Variants in CCDC171 observed in about 807,000 individuals in gnomAD.
The protein encoded by CCDC171 is coiled-coil domain containing 171.
In CCDC171, 177 loss-of-function variants were observed where a neutral mutation model predicts 168.2. The observed-to-expected ratio is 1.05, with a 90% CI of 0.93 to 1.19. The LOEUF (loss-of-function observed/expected upper bound fraction) is 1.19, where lower values mean the gene tolerates loss of function less well. Ranked by LOEUF, CCDC171 falls within the 50% of genes most tolerant of loss-of-function variation. The probability of loss-of-function intolerance (pLI) is 0.00; values close to 1 mark genes in which losing one functional copy is unlikely to be tolerated. For synonymous variants in CCDC171, 687 were observed against 540.8 expected (o/e 1.27, Z -3.75); for missense variants, 1,991 against 1,539.0 (o/e 1.29, Z -4.91).
intron 24 of CCDC171, among the ~76,000 whole-genome samples, chr9:15,909,976 C>T (rs1212603456): frequency 2.0e-5 from 3 of 152,108 alleles, no homozygotes; most frequent in African/African-American, 4.8e-5. Context: ...TTTGTAATCT[C>T]CAATATCTGT....
intron 7 of CCDC171, 37 bp downstream of exon 7, chr9:15,623,450 CAAACTTTCACATAT>C (rs764468650): frequency 1.5e-6 from 2 of 1,377,514 alleles, no homozygotes; most frequent in South Asian, 2.4e-5. Context: ...TATATGCGTA[CAAACTTTCACATAT>C]GCGCGCGCGC....
In CCDC171 at chr9:15,778,971, A is replaced by G; in HGVS notation, c.2902A>G (p.Ser968Gly). 1 of 1,500,866 alleles carries G rather than the reference A, an allele frequency of 6.7e-7. No individual in the cohort carries two copies. Among genetic ancestry groups the G allele is most frequent in the Non-Finnish European group, 8.9e-7 (1 of 1,124,780 alleles). The allele number at this position is 1,500,866 out of a possible 1,614,324, so 93.0% of individuals were successfully genotyped here. ...GLRGHVPITK[S>G]TASLQKQILG... is the part of the protein sequence containing the mutation. Reference sequence around the variant, plus strand: ...AATTGCTCTTGTTTAACAACAGAAAAGCACAGCATCGTTGCAGAAGCAAAT... The same window carrying G: ...AATTGCTCTTGTTTAACAACAGAAAGGCACAGCATCGTTGCAGAAGCAAAT... The change falls in exon 20 of 26, where the codon AGC becomes GGC. Residue 968 changes from serine to glycine, a missense_variant. Coordinates refer to ENST00000380701, the MANE Select transcript of CCDC171 (RefSeq NM_173550.4).
chr9:15,663,056 C>A (rs978694943), intron 8 of CCDC171, among the ~76,000 whole-genome samples: 15 of 152,314 alleles, frequency 9.8e-5, no homozygotes, highest in African/African-American at 2.6e-4. Flanking sequence ...AGCCACCCCG[C>A]AAAGTAGATA....
At chr9:15,876,049 T>G (rs916155965) in intron 24 of CCDC171, 13 of 152,092 alleles carry the variant, frequency 8.5e-5, no homozygotes, top group African/African-American at 2.9e-4. Flanking sequence ...GCTTAGTATT[T>G]GTCGTAATTT....
intron 4 of CCDC171, among the ~76,000 whole-genome samples, chr9:15,585,574 C>G (rs746132156): frequency 6.6e-6 from 1 of 152,156 alleles, no homozygotes; most frequent in Non-Finnish European, 1.5e-5. Context: ...GTGATGGCCT[C>G]TGCAGGGTGG....
chr9:15,968,016 GA>G (rs1830973277), intron 25 of CCDC171, among the ~76,000 whole-genome samples: 1 of 152,102 alleles, frequency 6.6e-6, no homozygotes, highest in Non-Finnish European at 1.5e-5. Flanking sequence ...TTAAAGCCTT[GA>G]AAAATGGCTA....
chr9:16,051,144 A>G (rs1198690778), intron 1 of CCDC171, among the ~76,000 whole-genome samples: 1 of 152,188 alleles, frequency 6.6e-6, no homozygotes, highest in African/African-American at 2.4e-5. Flanking sequence ...ATGTTTTTTA[A>G]ATAATTTATA....
At chr9:15,785,207 T>A (rs2057877948) in intron 21 of CCDC171, among the ~76,000 whole-genome samples, 1 of 152,128 alleles carries the variant, frequency 6.6e-6, no homozygotes, top group Non-Finnish European at 1.5e-5. Context: ...GAAGCTATCA[T>A]TTAAAAGTTG....
intron 23 of CCDC171, among the ~76,000 whole-genome samples, chr9:15,855,358 G>A (rs1423898253): frequency 6.6e-6 from 1 of 151,692 alleles, no homozygotes; most frequent in Non-Finnish European, 1.5e-5. Context: ...TATTAGTGTA[G>A]GCGCTCCAGC....
intron 25 of CCDC171, among the ~76,000 whole-genome samples, chr9:15,951,548 T>TGC (rs1291637350): frequency 6.6e-6 from 1 of 152,138 alleles, no homozygotes; most frequent in African/African-American, 2.4e-5. Context: ...GTTTGCTTGT[T>TGC]TTTTTAAGTA....
chr9:15,664,587 C>CACACACACACAT (rs1437068415), intron 8 of CCDC171, among the ~76,000 whole-genome samples: 1 of 151,810 alleles, frequency 6.6e-6, no homozygotes, highest in African/African-American at 2.4e-5. Flanking sequence ...CACACACACA[C>CACACACACACAT]ACTCACACGA....
At chr9:15,558,897 G>T (rs1449420327) in intron 1 of CCDC171, among the ~76,000 whole-genome samples, 1 of 152,100 alleles carries the variant, frequency 6.6e-6, no homozygotes, top group Non-Finnish European at 1.5e-5. Flanking sequence ...TCTACACACT[G>T]CTTTGAATGT....
At chr9:15,637,959 A>G (rs939224595) in intron 7 of CCDC171, among the ~76,000 whole-genome samples, 19 of 152,100 alleles carry the variant, frequency 1.2e-4, no homozygotes, top group Non-Finnish European at 2.5e-4. Flanking sequence ...TAACAGCATG[A>G]TTTATAGTCC....
chr9:15,584,947 C>T (rs531040713), intron 4 of CCDC171, among the ~76,000 whole-genome samples: 32 of 152,256 alleles, frequency 2.1e-4, no homozygotes, highest in Middle Eastern at 6.8e-3. Context: ...TTTCAACAGA[C>T]ATTCTACAGA....
rs749660376 is a variant in CCDC171 at position 15,777,592 on chromosome 9, C to G, written c.2672-8C>G. ...CATTTTTGTGCCTTTTTTTCTTTTT[C>G]TTTGAAGATCCAAATTCCAGAATTT... is the stretch of plus-strand genomic sequence containing the variant. On this transcript the variant is annotated splice_region_variant and splice_polypyrimidine_tract_variant and intron_variant, in intron 18 of 25. Coordinates refer to ENST00000380701, the MANE Select transcript of CCDC171 (RefSeq NM_173550.4). 1.3e-6 allele frequency: 2 copies of G among 1,580,904 alleles called. No individual in the cohort carries two copies. The highest frequency in any genetic ancestry group is 1.7e-6 in the Non-Finnish European group (2 of 1,163,820).
At chr9:16,005,649 T>C (rs1832673975) in intron 3 of CCDC171, among the ~76,000 whole-genome samples, 1 of 152,218 alleles carries the variant, frequency 6.6e-6, no homozygotes, top group Admixed American at 6.5e-5. Context: ...AACTATTGAC[T>C]TAGCGTTACA....
chr9:16,107,705 T>A, the CCDC171 span, among the ~76,000 whole-genome samples: 1 of 152,148 alleles, frequency 6.6e-6, no homozygotes, highest in African/African-American at 2.4e-5. Flanking sequence ...CCCCTAAATA[T>A]TTTAGAAAGC....
intron 6 of CCDC171, among the ~76,000 whole-genome samples, chr9:16,025,826 G>A (rs1833265047): frequency 1.3e-5 from 2 of 152,280 alleles, no homozygotes; most frequent in South Asian, 4.1e-4. Flanking sequence ...TGGGTGTGGG[G>A]TCTCCTTTGG....
intron 4 of CCDC171, among the ~76,000 whole-genome samples, chr9:15,579,764 C>T (rs1265329222): frequency 6.6e-6 from 1 of 152,036 alleles, no homozygotes; most frequent in African/African-American, 2.4e-5. Flanking sequence ...CTTTTTTCCT[C>T]CAACATTATG....
Sources: allele counts gnomAD v4.1 joint callset (sites outside exome capture counted in the v4.1 genomes callset), GRCh38; gene constraint gnomAD v4.1.1; transcripts MANE v1.5; gene names NCBI Gene and HGNC (gene_info 2026-07-23, HGNC 2026-07-21).